The following PSD3 variants were observed in gnomAD, a reference collection of about 807,000 sequenced individuals.
The protein encoded by PSD3 is PH and SEC7 domain-containing protein 3.
Under a neutral mutation model 105.5 loss-of-function variants are expected in PSD3, and 49 were observed. The observed-to-expected ratio is 0.46, with a 90% CI of 0.37 to 0.59. The LOEUF is 0.59. Among genes scored for constraint, PSD3 ranks in the 20% least tolerant of loss-of-function variants. The pLI, the probability that PSD3 is intolerant of heterozygous loss-of-function variation, is 0.00. For missense variants in PSD3, 1,561 were observed against 1,263.8 expected (o/e 1.24, Z -3.57); for synonymous variants, 557 against 457.8 (o/e 1.22, Z -2.77).
intron 9 of PSD3, among the ~76,000 whole-genome samples, chr8:18,696,484 T>C (rs1801267926): frequency 6.6e-6 from 1 of 152,234 alleles, no homozygotes; most frequent in Admixed American, 6.5e-5. Flanking sequence ...TTACTCTGTG[T>C]GGCCTGTTTT....
At chr8:18,901,192 T>A (rs1345879992) in intron 2 of PSD3, among the ~76,000 whole-genome samples, 2 of 152,230 alleles carry the variant, frequency 1.3e-5, no homozygotes, top group African/African-American at 2.4e-5. Context: ...CTAGTCTACA[T>A]GGTTTGTCTG....
chr8:18,734,661 G>A (rs1370149931), intron 9 of PSD3, among the ~76,000 whole-genome samples: 1 of 152,140 alleles, frequency 6.6e-6, no homozygotes, highest in East Asian at 1.9e-4. Context: ...AGACCTAAAA[G>A]CAATGAATGT....
intron 2 of PSD3, among the ~76,000 whole-genome samples, chr8:18,925,522 T>A (rs1432612793): frequency 2.6e-5 from 4 of 152,092 alleles, no homozygotes; most frequent in Non-Finnish European, 5.9e-5. Flanking sequence ...TGAGCATCCC[T>A]AACCAAAAAT....
intron 2 of PSD3, among the ~76,000 whole-genome samples, chr8:18,880,256 A>G (rs1818023604): frequency 6.6e-6 from 1 of 152,232 alleles, no homozygotes; most frequent in South Asian, 2.1e-4. Context: ...CCCTTGTAAA[A>G]TAGGGCCTTA....
chr8:18,865,274 ATATATATATATATTTT>A lies in PSD3; in HGVS notation c.1634+2384_1634+2399del, dbSNP rs1816826285. Reference sequence around the variant, plus strand: ...TATATATATATATATATATATATATATATATATATATATTTTTTTTTTTTTTTTTTTTTTTAAAGGC... The same window carrying A: ...TATATATATATATATATATATATATATTTTTTTTTTTTTTTTTTTAAAGGC... On this transcript the variant is annotated intron_variant, in intron 4 of 15. Transcript: ENST00000327040. 2 of 2,056 alleles carry A rather than the reference ATATATATATATATTTT, an allele frequency of 9.7e-4. 1 individual carries two copies. Among genetic ancestry groups the A allele is most frequent in the African/African-American group, 3.6e-3 (2 of 550 alleles). 0.1% of individuals were successfully genotyped at this position (2,056 alleles called of 1,614,324 possible).
At chr8:18,822,193 G>C (rs904618311) in intron 4 of PSD3, among the ~76,000 whole-genome samples, 3 of 152,132 alleles carry the variant, frequency 2.0e-5, no homozygotes, top group African/African-American at 4.8e-5. Context: ...TACACAATAA[G>C]GTTTTTTTCT....
At chr8:18,871,166 T>A (rs1247327513) in intron 3 of PSD3, among the ~76,000 whole-genome samples, 2 of 152,120 alleles carry the variant, frequency 1.3e-5, no homozygotes, top group Non-Finnish European at 2.9e-5. Flanking sequence ...TTCATACATG[T>A]ATGTCGGCTG....
upstream of PSD3, among the ~76,000 whole-genome samples, chr8:19,018,175 T>G (rs75213539): frequency 0.096 from 14,573 of 152,238 alleles, 878 homozygotes; most frequent in Non-Finnish European, 0.14. Flanking sequence ...CTAGCATGGT[T>G]GATCACAATT....
chr8:18,842,657 C>G (rs139633864), intron 4 of PSD3, among the ~76,000 whole-genome samples: 1 of 152,012 alleles, frequency 6.6e-6, no homozygotes, highest in Non-Finnish European at 1.5e-5. Context: ...GGCGTGAACC[C>G]GGGATGCGGA....
intron 6 of PSD3, among the ~76,000 whole-genome samples, chr8:18,801,828 A>G (rs1431713187): frequency 6.6e-6 from 1 of 152,154 alleles, no homozygotes; most frequent in African/African-American, 2.4e-5. Context: ...ACTCCGTTTC[A>G]AAAGAAAAAA....
intron 6 of PSD3, among the ~76,000 whole-genome samples, chr8:18,801,820 T>G (rs1284441952): frequency 6.6e-6 from 1 of 151,536 alleles, no homozygotes; most frequent in Non-Finnish European, 1.5e-5. Context: ...AGAGTGAGAC[T>G]CCGTTTCAAA....
chr8:18,868,589 T>G (rs906050814), intron 3 of PSD3, among the ~76,000 whole-genome samples: 1 of 152,114 alleles, frequency 6.6e-6, no homozygotes, highest in African/African-American at 2.4e-5. Flanking sequence ...AGAGCAGCAC[T>G]GCAGAGAGAT....
At chr8:18,913,507 C>G (rs1338679487) in intron 2 of PSD3, among the ~76,000 whole-genome samples, 1 of 152,140 alleles carries the variant, frequency 6.6e-6, no homozygotes, top group Non-Finnish European at 1.5e-5. Flanking sequence ...CAGATAGAGA[C>G]TCCAGGCCTC....
intron 1 of PSD3, among the ~76,000 whole-genome samples, chr8:18,960,855 G>C (rs538292080): frequency 6.6e-6 from 1 of 152,020 alleles, no homozygotes; most frequent in South Asian, 2.1e-4. Flanking sequence ...AGAGGCCAAG[G>C]GGGCAGATCA....
At chr8:18,923,490 A>G (rs1821163106) in intron 2 of PSD3, among the ~76,000 whole-genome samples, 1 of 152,214 alleles carries the variant, frequency 6.6e-6, no homozygotes, top group African/African-American at 2.4e-5. Flanking sequence ...ATGACCACAT[A>G]TAGGACGCTG....
At chr8:19,020,040 G>C (rs1397985714) in intron 1 of PSD3, among the ~76,000 whole-genome samples, 1 of 152,074 alleles carries the variant, frequency 6.6e-6, no homozygotes, top group African/African-American at 2.4e-5. Flanking sequence ...TAAAGGTTCA[G>C]TTTATTTTTT....
chr8:18,853,263 C>T (rs1039174541), intron 4 of PSD3, among the ~76,000 whole-genome samples: 1 of 152,144 alleles, frequency 6.6e-6, no homozygotes, highest in Non-Finnish European at 1.5e-5. Context: ...ATAGTCAAGG[C>T]AAGCAATGCC....
intron 4 of PSD3, among the ~76,000 whole-genome samples, chr8:18,850,886 G>A (rs1815509896): frequency 6.6e-6 from 1 of 152,124 alleles, no homozygotes; most frequent in African/African-American, 2.4e-5. Context: ...GCTTCCTTAA[G>A]AACATGCTGG....
At chr8:18,581,545 G>A (rs890164551) in intron 12 of PSD3, among the ~76,000 whole-genome samples, 6 of 152,166 alleles carry the variant, frequency 3.9e-5, no homozygotes, top group Non-Finnish European at 8.8e-5. Context: ...CAGCCCCTAT[G>A]CTGGTGTTGT....
Sources: gnomAD v4.1 joint callset for allele counts (sites outside exome capture counted in the v4.1 genomes callset) on GRCh38, gnomAD v4.1.1 for gene constraint, MANE v1.5 for transcripts, NCBI Gene and HGNC (gene_info 2026-07-23, HGNC 2026-07-21) for gene names.